The following SNX24 variants were observed in gnomAD, a reference collection of about 807,000 sequenced individuals.
SNX24 encodes sorting nexin 24, also known as sorting nexin-24.
In SNX24, 22 loss-of-function variants were observed where a neutral mutation model predicts 28.7. The observed-to-expected ratio is 0.77, with a 90% CI of 0.55 to 1.10. The LOEUF is 1.10. Among genes scored for constraint, SNX24 ranks in the 50% least tolerant of loss-of-function variants. The probability of loss-of-function intolerance (pLI) is 0.00; values close to 1 mark genes in which losing one functional copy is unlikely to be tolerated. For missense variants in SNX24, 221 were observed against 201.1 expected, an observed-to-expected ratio of 1.10 and a Z score of -0.60; for synonymous variants, 69 against 71.5, an observed-to-expected ratio of 0.96 and a Z score of 0.18.
chr5:122,918,146 C>T (rs1758263826), intron 1 of SNX24, among the ~76,000 whole-genome samples: 1 of 152,082 alleles, frequency 6.6e-6, no homozygotes, highest in East Asian at 1.9e-4. Flanking sequence ...TGGTGGCTCC[C>T]ACCTGTAATC....
At chr5:123,020,038 C>G (rs1762740123) in intron 5 of SNX24, among the ~76,000 whole-genome samples, 1 of 152,124 alleles carries the variant, frequency 6.6e-6, no homozygotes, top group South Asian at 2.1e-4. Context: ...CACTTTTTGC[C>G]TTGTTACTAG....
At chr5:123,001,504 T>C in intron 5 of SNX24, 67 bp downstream of exon 5, 1 of 1,122,830 alleles carries the variant, frequency 8.9e-7, no homozygotes, top group Non-Finnish European at 1.3e-6. Context: ...TCACCTACGA[T>C]GTGTTTCAAG....
At chr5:122,908,523 T>A (rs1228559216) in intron 1 of SNX24, among the ~76,000 whole-genome samples, 1 of 152,232 alleles carries the variant, frequency 6.6e-6, no homozygotes, top group Non-Finnish European at 1.5e-5. Flanking sequence ...GAAAAATTAT[T>A]CTTGTAAACT....
At chr5:123,006,890 TG>T (rs1762440631) in intron 6 of SNX24, among the ~76,000 whole-genome samples, 1 of 152,236 alleles carries the variant, frequency 6.6e-6, no homozygotes, top group African/African-American at 2.4e-5. Context: ...CTTAAAATAT[TG>T]GACTACTTTT....
intron 1 of SNX24, among the ~76,000 whole-genome samples, chr5:122,883,070 A>G (rs1756551817): frequency 6.6e-6 from 1 of 152,190 alleles, no homozygotes; most frequent in Admixed American, 6.6e-5. Context: ...TGGATGAATC[A>G]GCGTGGCTAG....
chr5:122,941,854 C>G (rs77580927), intron 2 of SNX24, among the ~76,000 whole-genome samples: 3,713 of 152,250 alleles, frequency 0.024, 139 homozygotes, highest in African/African-American at 0.071. Context: ...ACCTTTGTAG[C>G]TCCTCTGCTA....
At chr5:122,983,712 T>C (rs1459588035) in intron 3 of SNX24, among the ~76,000 whole-genome samples, 3 of 152,136 alleles carry the variant, frequency 2.0e-5, no homozygotes, top group African/African-American at 7.2e-5. Flanking sequence ...CAAGCAATCC[T>C]CCCGCCTTAG....
intron 3 of SNX24, among the ~76,000 whole-genome samples, chr5:122,968,368 T>C (rs568735906): frequency 2.0e-5 from 3 of 152,146 alleles, no homozygotes; most frequent in African/African-American, 4.8e-5. Flanking sequence ...ACCAAAAAAC[T>C]TGGAAGTAGA....
At chr5:122,867,555 C>A (rs1023782077) in intron 1 of SNX24, among the ~76,000 whole-genome samples, 2 of 152,064 alleles carry the variant, frequency 1.3e-5, no homozygotes, top group Admixed American at 6.6e-5. Context: ...GCCAGGTTGG[C>A]TTTGGTGAGT....
intron 3 of SNX24, among the ~76,000 whole-genome samples, chr5:122,990,974 G>T (rs114091682): frequency 1.1e-4 from 17 of 152,210 alleles, no homozygotes; most frequent in Non-Finnish European, 2.2e-4. Context: ...TTGGCTTACT[G>T]CAGCCTCTGC....
intron 1 of SNX24, among the ~76,000 whole-genome samples, chr5:122,896,702 A>G (rs914015850): frequency 6.6e-6 from 1 of 152,234 alleles, no homozygotes; most frequent in African/African-American, 2.4e-5. Context: ...GTCTTAGGTC[A>G]GGAAAAAAAG....
intron 1 of SNX24, among the ~76,000 whole-genome samples, chr5:122,910,759 A>T (rs1424926743): frequency 1.3e-5 from 2 of 151,270 alleles, no homozygotes; most frequent in Admixed American, 6.6e-5. Context: ...GAGAATGATG[A>T]TTTCCAATTT....
chr5:122,966,051 C>T (rs938344847), intron 3 of SNX24, among the ~76,000 whole-genome samples: 2 of 152,096 alleles, frequency 1.3e-5, no homozygotes, highest in African/African-American at 2.4e-5. Flanking sequence ...TAAATGTTAT[C>T]GTATTTCCTA....
chr5:122,984,677 A>T (rs942989362), intron 3 of SNX24, among the ~76,000 whole-genome samples: 10 of 152,090 alleles, frequency 6.6e-5, no homozygotes, highest in African/African-American at 2.4e-4. Context: ...TTGCTGTCTG[A>T]CTCAGTTATA....
intron 1 of SNX24, among the ~76,000 whole-genome samples, chr5:122,907,649 T>C (rs963480567): frequency 6.6e-6 from 1 of 152,220 alleles, no homozygotes. Context: ...GTAGTTGAAA[T>C]TGTTATCTTT....
At chr5:123,005,461 A>G (rs1435192627) in intron 6 of SNX24, among the ~76,000 whole-genome samples, 3 of 151,950 alleles carry the variant, frequency 2.0e-5, no homozygotes, top group African/African-American at 7.3e-5. Flanking sequence ...GCCCTGCTGT[A>G]TTTTTCTCCT....
intron 6 of SNX24, among the ~76,000 whole-genome samples, chr5:123,004,595 C>A (rs148834070): frequency 6.6e-6 from 1 of 152,260 alleles, no homozygotes; most frequent in Non-Finnish European, 1.5e-5. Flanking sequence ...ATTGTATCTC[C>A]ATCTCAACTC....
intron 1 of SNX24, among the ~76,000 whole-genome samples, chr5:122,858,369 AC>A (rs2150038797): frequency 6.6e-6 from 1 of 152,380 alleles, no homozygotes; most frequent in East Asian, 1.9e-4. Flanking sequence ...TAACAACAAA[AC>A]TTTAATTTGT....
At chr5:122,863,561 C>G (rs1381018866) in intron 1 of SNX24, among the ~76,000 whole-genome samples, 1 of 149,804 alleles carries the variant, frequency 6.7e-6, no homozygotes, top group Admixed American at 6.7e-5. Flanking sequence ...GAGACAAGGT[C>G]TTACTTTGTG....
Sources: gnomAD v4.1 joint callset for allele counts (sites outside exome capture counted in the v4.1 genomes callset) on GRCh38, gnomAD v4.1.1 for gene constraint, MANE v1.5 for transcripts, NCBI Gene and HGNC (gene_info 2026-07-23, HGNC 2026-07-21) for gene names.